The following PRPF19 variants were observed in gnomAD, a reference collection of about 807,000 sequenced individuals.
PRPF19 encodes pre-mRNA processing factor 19.
In PRPF19, 2 loss-of-function variants were observed where a neutral mutation model predicts 64.2. That is an observed-to-expected ratio of 0.03 (90% CI 0.01 to 0.10). The LOEUF is 0.10. Ranked by LOEUF, PRPF19 falls within the 10% of genes least tolerant of loss-of-function variation. The pLI is 1.00. For missense variants in PRPF19, 314 were observed against 650.0 expected, an observed-to-expected ratio of 0.48 and a Z score of 5.62; for synonymous variants, 226 against 251.6, an observed-to-expected ratio of 0.90 and a Z score of 0.96.
In PRPF19 at chr11:60,891,104, C is replaced by G. The variant is rs1234734163; in HGVS notation, c.*62G>C. 1.2e-5 allele frequency: 7 copies of G among 565,964 alleles called. No homozygotes were observed. Among genetic ancestry groups the G allele is most frequent in the African/African-American group, 2.1e-5 (1 of 47,214 alleles). The allele number at this position is 565,964 out of a possible 1,614,324, so 35.1% of individuals were successfully genotyped here. A position where few individuals can be genotyped will look rare whatever the true frequency, so the allele number is the denominator to read the frequency against. On this transcript the variant is annotated 3_prime_UTR_variant, in exon 16 of 16. Transcript: ENST00000227524. ...CCATAGATTCCCCCCACCCCCCCCC[C>G]CAAACCCTAATTCTACCCCTCTACT...
intron 15 of PRPF19, among the ~76,000 whole-genome samples, chr11:60,895,282 A>T (rs1308320978): frequency 6.6e-6 from 1 of 152,258 alleles, no homozygotes; most frequent in Non-Finnish European, 1.5e-5. Flanking sequence ...CTTCCGGATA[A>T]CTTGCTGCAG....
chr11:60,901,211 C>T lies in PRPF19; in HGVS notation c.642+84G>A, dbSNP rs114848679. Reference sequence around the variant, plus strand: ...GCCAGGAACCTGGGACAGCTCTGCACTCAGCACTCCCCATGCTGGCCCGCC... The same window carrying T: ...GCCAGGAACCTGGGACAGCTCTGCATTCAGCACTCCCCATGCTGGCCCGCC... On this transcript the variant is annotated intron_variant, in intron 8 of 15. Coordinates refer to ENST00000227524, the MANE Select transcript of PRPF19 (RefSeq NM_014502.5). 1,486 of 1,449,990 alleles carry T rather than the reference C, an allele frequency of 1.0e-3. 13 individuals carry two copies. The African/African-American group carries it at 0.018, about 18-fold the overall frequency. 89.8% of individuals were successfully genotyped at this position (1,449,990 alleles called of 1,614,324 possible).
chr11:60,902,676 T>C lies in PRPF19; in HGVS notation c.389-20A>G. ...CCAGAGCTGAGAGAAAAGACGATGT[T>C]AGAAATGGGATATTACAATGCAGAA... On this transcript the variant is annotated intron_variant, in intron 4 of 15. Transcript: ENST00000227524. The surrounding 1 kb of genome is among the most constrained non-coding windows in gnomAD (Gnocchi z 5.0). 1 of 1,614,008 alleles carries C rather than the reference T, an allele frequency of 6.2e-7. No homozygotes were observed.
chr11:60,894,514 C>T (rs1855899348), intron 15 of PRPF19, among the ~76,000 whole-genome samples: 1 of 152,194 alleles, frequency 6.6e-6, no homozygotes, highest in Non-Finnish European at 1.5e-5. Flanking sequence ...AATTCTCTTA[C>T]CATTTCCTCC....
Position 60,898,123 on chromosome 11 carries a change from A to C in PRPF19, c.1289T>G (p.Leu430Trp). 3 of 1,614,118 alleles carry C rather than the reference A, an allele frequency of 1.9e-6. No homozygotes were observed. Among genetic ancestry groups the C allele is most frequent in the Non-Finnish European group, 2.5e-6 (3 of 1,179,996 alleles). Residue 430 changes from leucine (L) to tryptophan (W), a missense_variant, in exon 14 of 16, where the codon TTG (leucine) becomes TGG (tryptophan). Physicochemically the swap from Leu to Trp is moderately conservative, Grantham distance 61. Transcript: ENST00000227524. This position sits in a 1 kb window ranked among gnomAD's most constrained non-coding sequence, Gnocchi z 4.6. ...CACCTCAAAGTTGTTATCCAGCTGCAAAGTCTTAAAGTTCTTAAGCTTGCG... is the reference window on the plus strand; with the variant it reads ...CACCTCAAAGTTGTTATCCAGCTGCCAAGTCTTAAAGTTCTTAAGCTTGCG... ...DLRKLKNFKTLQLDNNFEVKS... is the reference protein window; with the variant it reads ...DLRKLKNFKTWQLDNNFEVKS...
intron 10 of PRPF19, 138 bp from the exon 11 acceptor site, chr11:60,899,442 T>C: frequency 1.1e-6 from 1 of 916,798 alleles, no homozygotes; most frequent in Admixed American, 2.5e-5. Context: ...TGGAACCACC[T>C]ATCCACCCAA....
rs201732241 is a variant in PRPF19, at chr11:60,903,540, C to T, written c.170-5G>A. 3 of 1,613,690 alleles carry T rather than the reference C, an allele frequency of 1.9e-6. No individual in the cohort carries two copies. The highest frequency in any genetic ancestry group is 1.7e-6 in the Non-Finnish European group (2 of 1,179,894). The stretch of plus-strand genomic sequence containing the variant: ...TGGGCCGGATTGGGTGAGCAACTGC[C>T]GAAAGGGAAAGCAGGTATGAAGAAC... On this transcript the variant is annotated splice_polypyrimidine_tract_variant and splice_region_variant and intron_variant, in intron 2 of 15. Coordinates refer to ENST00000227524, the MANE Select transcript of PRPF19 (RefSeq NM_014502.5).
At chr11:60,904,474 C>A (rs758262652) in intron 1 of PRPF19, among the ~76,000 whole-genome samples, 7 of 152,158 alleles carry the variant, frequency 4.6e-5, no homozygotes, top group Non-Finnish European at 8.8e-5. Flanking sequence ...CACCAGACTC[C>A]CCGCCCCTTC....
At chr11:60,891,484 G>A (rs1855857741) in intron 15 of PRPF19, among the ~76,000 whole-genome samples, 1 of 152,114 alleles carries the variant, frequency 6.6e-6, no homozygotes, top group Non-Finnish European at 1.5e-5. Context: ...ATAAAGCAAT[G>A]CCAGCCCCCC....
intron 10 of PRPF19, 55 bp downstream of exon 10, chr11:60,900,527 G>T: frequency 7.3e-7 from 1 of 1,376,916 alleles, no homozygotes; most frequent in Non-Finnish European, 1.0e-6. Flanking sequence ...GCGGGGTGAG[G>T]GACAAACAAC....
chr11:60,901,120 C>T (rs979882137), intron 8 of PRPF19, among the ~76,000 whole-genome samples, 175 bp downstream of exon 8: 1 of 152,204 alleles, frequency 6.6e-6, no homozygotes, highest in South Asian at 2.1e-4. Context: ...AGGAAACCCA[C>T]AGCTGGGCAG....
At position 60,903,554 on chromosome 11, in the gene PRPF19, G is replaced by A; in HGVS notation, c.170-19C>T. The A allele has an allele frequency of 6.2e-7, 1 of 1,613,392 alleles. No individual in the cohort carries two copies. The highest frequency in any genetic ancestry group is 8.5e-7 in the Non-Finnish European group (1 of 1,179,562). ...TGAGCAACTGCCGAAAGGGAAAGCA[G>A]GTATGAAGAACATAACCCAGGGGCC... On this transcript the variant is annotated intron_variant, in intron 2 of 15. Coordinates refer to ENST00000227524, the MANE Select transcript of PRPF19 (RefSeq NM_014502.5).
chr11:60,899,800 G>A (rs192013765), intron 10 of PRPF19, among the ~76,000 whole-genome samples: 1 of 152,158 alleles, frequency 6.6e-6, no homozygotes, highest in African/African-American at 2.4e-5. Flanking sequence ...ATTTGGGGCA[G>A]GGAGAGAATT....
chr11:60,893,315 C>A (rs1051369452), intron 15 of PRPF19, among the ~76,000 whole-genome samples: 1 of 151,332 alleles, frequency 6.6e-6, no homozygotes, highest in Admixed American at 6.6e-5. Flanking sequence ...CATAGTGAAA[C>A]CTCATCTCTA....
At position 60,906,299 on chromosome 11, in the gene PRPF19, C is replaced by T. The variant is rs955171650; in HGVS notation, c.19+65G>A. 5.2e-6 allele frequency: 8 copies of T among 1,540,922 alleles called. No homozygotes were observed. The African/African-American group carries it at 7.1e-5, about 14-fold the overall frequency. On this transcript the variant is annotated intron_variant, in intron 1 of 15. Transcript: ENST00000227524. ...CCCCGGCCCGGGCGCCGCAGCGGAC[C>T]GCACACGCTCCCGCGCCGCTCTCTG... is the stretch of plus-strand genomic sequence containing the variant.
chr11:60,895,244 T>C (rs1048980696), intron 15 of PRPF19, among the ~76,000 whole-genome samples: 3 of 152,248 alleles, frequency 2.0e-5, no homozygotes, highest in Non-Finnish European at 2.9e-5. Flanking sequence ...TTGTTGAGTG[T>C]ACCCACCGTC....
chr11:60,906,463 C>A lies in PRPF19; in HGVS notation c.-81G>T, dbSNP rs1235880606. 1.4e-6 allele frequency: 2 copies of A among 1,443,634 alleles called. No homozygotes were observed. The highest frequency in any genetic ancestry group is 9.4e-7 in the Non-Finnish European group (1 of 1,061,768). 89.4% of individuals were successfully genotyped at this position (1,443,634 alleles called of 1,614,324 possible). On this transcript the variant is annotated 5_prime_UTR_variant, in exon 1 of 16. Coordinates refer to ENST00000227524, the MANE Select transcript of PRPF19 (RefSeq NM_014502.5). Reference sequence around the variant, plus strand: ...AGCCTCCGCGAGCCACTTCCGGTCCCCCGCTGCTGCCGGGACTGCTCCGCG... The same window carrying A: ...AGCCTCCGCGAGCCACTTCCGGTCCACCGCTGCTGCCGGGACTGCTCCGCG...
chr11:60,899,948 A>G (rs1162593491), intron 10 of PRPF19, among the ~76,000 whole-genome samples: 1 of 152,218 alleles, frequency 6.6e-6, no homozygotes, highest in African/African-American at 2.4e-5. Context: ...AGTGCTCTCA[A>G]TTTGAACAAA....
At chr11:60,901,608 C>A in intron 6 of PRPF19, 68 bp from the exon 7 acceptor site, 1 of 1,567,802 alleles carries the variant, frequency 6.4e-7, no homozygotes, top group South Asian at 1.1e-5. Context: ...AGATGCTGGT[C>A]ACACCTGTGC....
Sources: gnomAD v4.1 joint callset for allele counts (sites outside exome capture counted in the v4.1 genomes callset) on GRCh38, gnomAD v4.1.1 for gene constraint, Gnocchi (gnomAD v3.1) non-coding constraint, MANE v1.5 for transcripts, NCBI Gene and HGNC (gene_info 2026-07-23, HGNC 2026-07-21) for gene names.